Variants in XIRP2 observed in about 807,000 individuals in gnomAD.
XIRP2 encodes the protein xin actin-binding repeat-containing protein 2.
XIRP2 carries 236 observed loss-of-function variants against 277.0 expected under a neutral mutation model. That is an observed-to-expected ratio of 0.85 (90% CI 0.77 to 0.95). The LOEUF is 0.95. Among genes scored for constraint, XIRP2 ranks in the 40% least tolerant of loss-of-function variants. XIRP2 has a pLI of 0.00. For missense variants in XIRP2, 4,640 were observed against 4,157.5 expected (o/e 1.12, Z -3.19); for synonymous variants, 1,490 against 1,416.5 (o/e 1.05, Z -1.17).
chr2:167,129,065 G>T (rs972323869), intron 2 of XIRP2, among the ~76,000 whole-genome samples: 9 of 152,056 alleles, frequency 5.9e-5, no homozygotes, highest in Admixed American at 1.3e-4. Context: ...TTCCAGGAAA[G>T]GACTTCTGAA....
chr2:167,120,138 A>G (rs1165222257), intron 2 of XIRP2, among the ~76,000 whole-genome samples: 1 of 152,166 alleles, frequency 6.6e-6, no homozygotes, highest in Non-Finnish European at 1.5e-5. Context: ...GTAGTCCAGT[A>G]GTGCAGAAAC....
At chr2:167,095,638 C>T (rs531077289) in intron 2 of XIRP2, among the ~76,000 whole-genome samples, 7 of 152,132 alleles carry the variant, frequency 4.6e-5, no homozygotes, top group Admixed American at 1.3e-4. Context: ...ATATGTTGAA[C>T]GAGCCTTGCA....
At chr2:167,122,778 T>A (rs1377493967) in intron 2 of XIRP2, among the ~76,000 whole-genome samples, 4 of 152,220 alleles carry the variant, frequency 2.6e-5, no homozygotes, top group Admixed American at 6.5e-5. Flanking sequence ...TATGGATCAA[T>A]AGGTACATCA....
chr2:167,043,210 A>G (rs776108482), intron 2 of XIRP2, among the ~76,000 whole-genome samples: 2 of 152,164 alleles, frequency 1.3e-5, no homozygotes, highest in Non-Finnish European at 2.9e-5. Flanking sequence ...TTATAGTGCT[A>G]AATGCCTACA....
chr2:166,981,253 T>C (rs1686861026), intron 2 of XIRP2, among the ~76,000 whole-genome samples: 2 of 152,122 alleles, frequency 1.3e-5, no homozygotes, highest in Admixed American at 1.3e-4. Context: ...CTATGCTCTT[T>C]CTAAGACTTT....
At position 166,975,863 on chromosome 2, in the gene XIRP2, G is replaced by A. The variant is rs184332001; in HGVS notation, c.408+71973G>A. On this transcript the variant is annotated intron_variant, in intron 2 of 10. Coordinates refer to ENST00000409195, the MANE Select transcript of XIRP2 (RefSeq NM_152381.6). ...AGAGAATGGCGTGAACCCTGGAGGC[G>A]GAGCTTGCAGTGAGCCGAGATCGTG... is the stretch of plus-strand genomic sequence containing the variant. Among the ~76,000 whole-genome samples the A allele has an allele frequency of 4.5e-3, 667 of 148,268 alleles. 5 individuals carry two copies. The highest frequency in any genetic ancestry group is 7.9e-3 in the Non-Finnish European group (534 of 67,396).
chr2:166,939,724 C>CA (rs1158683568), intron 2 of XIRP2, among the ~76,000 whole-genome samples: 301 of 119,770 alleles, frequency 2.5e-3, no homozygotes, highest in African/African-American at 3.3e-3. Context: ...AAAAACAAAA[C>CA]AAAAAAAAAA....
chr2:167,235,936 G>GA (rs1177222228), intron 5 of XIRP2, among the ~76,000 whole-genome samples: 1 of 151,876 alleles, frequency 6.6e-6, no homozygotes, highest in Non-Finnish European at 1.5e-5. Flanking sequence ...TCACTTAAAA[G>GA]AAAAAATGAA....
At chr2:166,914,266 A>G (rs1684798191) in intron 2 of XIRP2, among the ~76,000 whole-genome samples, 1 of 152,184 alleles carries the variant, frequency 6.6e-6, no homozygotes, top group Non-Finnish European at 1.5e-5. Context: ...GGACACCTGG[A>G]GTTTAACCTG....
chr2:167,120,311 A>C (rs1350041864), intron 2 of XIRP2, among the ~76,000 whole-genome samples: 1 of 152,152 alleles, frequency 6.6e-6, no homozygotes, highest in African/African-American at 2.4e-5. Context: ...GACTTGAATA[A>C]GCTTTCTTTG....
intron 2 of XIRP2, among the ~76,000 whole-genome samples, chr2:167,134,209 T>C (rs969164449): frequency 2.6e-5 from 4 of 151,262 alleles, no homozygotes; most frequent in Non-Finnish European, 4.4e-5. Context: ...GAATATATAT[T>C]CATGTATATT....
intron 2 of XIRP2, among the ~76,000 whole-genome samples, chr2:167,127,096 A>C (rs953434783): frequency 6.6e-6 from 1 of 152,134 alleles, no homozygotes; most frequent in Non-Finnish European, 1.5e-5. Flanking sequence ...TAATTGCCCA[A>C]ATTTGGGCAT....
In XIRP2 at chr2:167,246,743, A is replaced by C; in HGVS notation, c.5351A>C (p.Asp1784Ala). Residue 1784 changes from aspartate (D) to alanine (A), a missense_variant, in exon 9 of 11, where the codon GAT becomes GCT. Transcript: ENST00000409195. ...QEGEKEIIGG[D>A]VEGTKLLLKK... ...GGAGAGAAAGAAATCATTGGTGGTGATGTTGAAGGTACAAAACTGTTACTG... is the reference window on the plus strand; with the variant it reads ...GGAGAGAAAGAAATCATTGGTGGTGCTGTTGAAGGTACAAAACTGTTACTG... 6.2e-7 allele frequency: 1 copy of C among 1,613,820 alleles called. No homozygotes were observed. The highest frequency in any genetic ancestry group is 8.5e-7 in the Non-Finnish European group (1 of 1,179,826).
At position 167,138,286 on chromosome 2, in the gene XIRP2, T is replaced by G. The variant is rs888536263; in HGVS notation, c.562+2224T>G. On this transcript the variant is annotated intron_variant, in intron 3 of 10. Transcript: ENST00000409195. The stretch of plus-strand genomic sequence containing the variant: ...GTGCAGCTACCTAATATCCTGCATA[T>G]TTAAAATTTAGTAAACAGTGTGAAT... Among the ~76,000 whole-genome samples, 12 of 152,202 alleles carry G rather than the reference T, an allele frequency of 7.9e-5. 1 individual carries two copies. The highest frequency in any genetic ancestry group is 4.4e-5 in the Non-Finnish European group (3 of 68,036).
intron 2 of XIRP2, among the ~76,000 whole-genome samples, chr2:167,002,940 C>T (rs553161116): frequency 6.6e-6 from 1 of 151,944 alleles, no homozygotes; most frequent in East Asian, 1.9e-4. Context: ...GGCTTATTAA[C>T]CCTATAGTTT....
In XIRP2 at chr2:167,092,918, A is replaced by G. The variant is rs61363414; in HGVS notation, c.409-42991A>G. On this transcript the variant is annotated intron_variant, in intron 2 of 10. Coordinates refer to ENST00000409195, the MANE Select transcript of XIRP2 (RefSeq NM_152381.6). ...GACTGCAGGAACAAATTATGTCAAC[A>G]ACATCTGCTTATATGTGGTACCTAA... 2.9e-3 allele frequency among the ~76,000 whole-genome samples: 439 copies of G among 152,260 alleles called. 3 individuals are homozygous for G. The highest frequency in any genetic ancestry group is 0.01 in the African/African-American group (425 of 41,516).
chr2:166,976,658 T>C (rs1686724807), intron 2 of XIRP2, among the ~76,000 whole-genome samples: 1 of 152,176 alleles, frequency 6.6e-6, no homozygotes. Context: ...CATTGTGCTA[T>C]CTTTGTCTTA....
At chr2:167,029,585 G>A (rs543838412) in intron 2 of XIRP2, among the ~76,000 whole-genome samples, 5 of 151,986 alleles carry the variant, frequency 3.3e-5, no homozygotes, top group African/African-American at 4.8e-5. Flanking sequence ...AAGCTTTTTG[G>A]TGTGCTGCTG....
At chr2:167,010,650 T>A (rs1687650407) in intron 2 of XIRP2, among the ~76,000 whole-genome samples, 1 of 152,170 alleles carries the variant, frequency 6.6e-6, no homozygotes, top group Non-Finnish European at 1.5e-5. Flanking sequence ...AATCTATAAA[T>A]TACCTTGGGC....
Sources: allele counts gnomAD v4.1 joint callset (sites outside exome capture counted in the v4.1 genomes callset), GRCh38; gene constraint gnomAD v4.1.1; transcripts MANE v1.5; gene names NCBI Gene and HGNC (gene_info 2026-07-23, HGNC 2026-07-21).